The following ATXN1 variants were observed in gnomAD, a reference collection of about 807,000 sequenced individuals.
ATXN1 encodes the protein ataxin 1.
A neutral mutation model predicts 56.4 loss-of-function variants in ATXN1; 8 were observed. That is an observed-to-expected ratio of 0.14 (90% CI 0.08 to 0.26). ATXN1 has a LOEUF of 0.26. ATXN1 is among the 10% of genes least tolerant of loss of function. The pLI is 1.00. For synonymous variants in ATXN1, 514 were observed against 494.6 expected, an observed-to-expected ratio of 1.04 and a Z score of -0.52; for missense variants, 987 against 1,106.5, an observed-to-expected ratio of 0.89 and a Z score of 1.53.
chr6:16,651,915 TG>T (rs1180754459), intron 3 of ATXN1: 1 of 152,264 alleles, frequency 6.6e-6, no homozygotes, highest in East Asian at 1.9e-4. Flanking sequence ...AGTTTAATTC[TG>T]ATTTCTTCTG....
chr6:16,449,174 C>T (rs12660074), intron 6 of ATXN1, among the ~76,000 whole-genome samples: 63,606 of 151,780 alleles, frequency 0.42, 14,446 homozygotes, highest in East Asian at 0.81. Context: ...GTTCTCCCTA[C>T]GTCCACTTGC....
chr6:16,560,877 A>C (rs1393773919), intron 4 of ATXN1, among the ~76,000 whole-genome samples: 1 of 152,192 alleles, frequency 6.6e-6, no homozygotes, highest in African/African-American at 2.4e-5. Flanking sequence ...TGAAATTCAC[A>C]GGTAATCCCA....
In ATXN1 at chr6:16,760,572, C is replaced by T. The variant is rs1201737493; in HGVS notation, c.-730+726G>A. 2.0e-5 allele frequency among the ~76,000 whole-genome samples: 3 copies of T among 151,516 alleles called. No individual in the cohort carries two copies. Among genetic ancestry groups the T allele is most frequent in the Non-Finnish European group, 4.4e-5 (3 of 67,816 alleles). On this transcript the variant is annotated intron_variant, in intron 1 of 7. Transcript: ENST00000436367. This position sits in a 1 kb window ranked among gnomAD's most constrained non-coding sequence, Gnocchi z 5.3. Reference sequence around the variant, plus strand: ...CCCGAGGCCACCCCTCTGCGCCCCCCGCCCGGCACCCGGCCGCGCGCAAAG... The same window carrying T: ...CCCGAGGCCACCCCTCTGCGCCCCCTGCCCGGCACCCGGCCGCGCGCAAAG...
chr6:16,348,249 C>T (rs552846531), intron 6 of ATXN1, among the ~76,000 whole-genome samples: 1 of 152,080 alleles, frequency 6.6e-6, no homozygotes, highest in Non-Finnish European at 1.5e-5. Context: ...CTTTTTTATT[C>T]AGATAGGGTT....
intron 6 of ATXN1, among the ~76,000 whole-genome samples, chr6:16,443,998 C>A (rs1269013340): frequency 6.6e-6 from 1 of 151,988 alleles, no homozygotes; most frequent in African/African-American, 2.4e-5. Flanking sequence ...CGCCTGTAGT[C>A]CCAGCTACTC....
intron 4 of ATXN1, among the ~76,000 whole-genome samples, chr6:16,538,225 G>T (rs541691442): frequency 6.6e-6 from 1 of 152,118 alleles, no homozygotes; most frequent in East Asian, 1.9e-4. Flanking sequence ...CCAATATCTG[G>T]GTTTAAATGA....
chr6:16,571,360 T>C (rs1312646802), intron 4 of ATXN1, among the ~76,000 whole-genome samples: 2 of 152,024 alleles, frequency 1.3e-5, no homozygotes, highest in African/African-American at 2.4e-5. Flanking sequence ...AAAGAGTCTT[T>C]ATTCTGCCAA....
intron 2 of ATXN1, among the ~76,000 whole-genome samples, chr6:16,673,415 C>T (rs2113385667): frequency 6.6e-6 from 1 of 152,288 alleles, no homozygotes; most frequent in East Asian, 1.9e-4. Context: ...TACCTCTTTT[C>T]TCCGTTTCCT....
chr6:16,756,556 T>TAACA (rs1760892684), intron 1 of ATXN1, among the ~76,000 whole-genome samples: 1 of 152,226 alleles, frequency 6.6e-6, no homozygotes, highest in South Asian at 2.1e-4. Flanking sequence ...CTAAATCTGT[T>TAACA]ATTTGAAGCA....
At chr6:16,454,125 C>CAAAA (rs56277549) in intron 6 of ATXN1, among the ~76,000 whole-genome samples, 847 of 76,514 alleles carry the variant, frequency 0.011, 90 homozygotes, top group African/African-American at 0.024. Context: ...GACTCTGTCT[C>CAAAA]AAAAAAAAAA....
chr6:16,656,809 A>T (rs1047854048), intron 3 of ATXN1, among the ~76,000 whole-genome samples: 1 of 151,980 alleles, frequency 6.6e-6, no homozygotes, highest in Non-Finnish European at 1.5e-5. Context: ...TGGATGGTAC[A>T]CCCTACTACA....
At chr6:16,522,815 A>C (rs2113696781) in intron 4 of ATXN1, 127 bp from the exon 5 acceptor site, 1 of 152,362 alleles carries the variant, frequency 6.6e-6, no homozygotes, top group Non-Finnish European at 1.5e-5. Context: ...TAGGTGCACA[A>C]TAAATGTCTG....
chr6:16,466,356 A>C (rs1760107397), intron 6 of ATXN1, among the ~76,000 whole-genome samples: 1 of 146,168 alleles, frequency 6.8e-6, no homozygotes, highest in African/African-American at 2.6e-5. Flanking sequence ...AAAAAGGCCT[A>C]AATGTCAGGA....
intron 6 of ATXN1, among the ~76,000 whole-genome samples, chr6:16,484,951 G>GTA: frequency 1.1e-5 from 1 of 89,928 alleles, no homozygotes; most frequent in Non-Finnish European, 2.6e-5. Context: ...ATATATATGT[G>GTA]TGTGTGTGTG....
At position 16,327,659 on chromosome 6, in the gene ATXN1, G is replaced by GCTT; in HGVS notation, c.651_652insAAG (p.Gln217_Gln218insLys). ...TGCTGCTGCTGCTGCTGCTGCTGCT[G>GCTT]CTGCTGCTGCTGCTGCTGATGCTGA... On this transcript the variant is annotated inframe_insertion, in exon 7 of 8. Coordinates refer to ENST00000436367, the MANE Select transcript of ATXN1 (RefSeq NM_001128164.2). 1 of 1,556,018 alleles carries GCTT rather than the reference G, an allele frequency of 6.4e-7. No individual in the cohort carries two copies. Among genetic ancestry groups the GCTT allele is most frequent in the Non-Finnish European group, 8.6e-7 (1 of 1,160,846 alleles).
At chr6:16,676,722 C>T (rs953856256) in intron 2 of ATXN1, among the ~76,000 whole-genome samples, 3 of 152,120 alleles carry the variant, frequency 2.0e-5, no homozygotes, top group Admixed American at 6.5e-5. Flanking sequence ...ATTAAAGTTT[C>T]GGTTATGGAC....
At chr6:16,488,962 G>A (rs187073231) in intron 5 of ATXN1, among the ~76,000 whole-genome samples, 4 of 152,128 alleles carry the variant, frequency 2.6e-5, no homozygotes, top group Admixed American at 6.5e-5. Flanking sequence ...GGGAAATTAC[G>A]CCAGGCTGTC....
At chr6:16,609,517 T>C (rs1763067832) in intron 3 of ATXN1, among the ~76,000 whole-genome samples, 1 of 152,220 alleles carries the variant, frequency 6.6e-6, no homozygotes, top group South Asian at 2.1e-4. Flanking sequence ...GATTGCCCTG[T>C]GGCTCCAGCT....
At chr6:16,579,210 T>C (rs544756792) in intron 4 of ATXN1, among the ~76,000 whole-genome samples, 245 of 152,258 alleles carry the variant, frequency 1.6e-3, no homozygotes, top group African/African-American at 5.7e-3. Context: ...TTTTATTGTC[T>C]ATCCTGGAGA....
Sources: allele counts gnomAD v4.1 joint callset (sites outside exome capture counted in the v4.1 genomes callset), GRCh38; gene constraint gnomAD v4.1.1; non-coding constraint Gnocchi (gnomAD v3.1); transcripts MANE v1.5; gene names NCBI Gene and HGNC (gene_info 2026-07-23, HGNC 2026-07-21).